DMD: variants seen among roughly 807,000 people sequenced by gnomAD.
The protein encoded by DMD is mutant dystrophin.
In DMD, 63 loss-of-function variants were observed where a neutral mutation model predicts 330.1. That is an observed-to-expected ratio of 0.19 (90% CI 0.16 to 0.24). The LOEUF (loss-of-function observed/expected upper bound fraction) is 0.24, where lower values mean the gene tolerates loss of function less well. DMD is among the 10% of genes least tolerant of loss of function. The probability of loss-of-function intolerance (pLI) is 1.00; values close to 1 mark genes in which losing one functional copy is unlikely to be tolerated. For missense variants in DMD, 3,344 were observed against 2,684.1 expected, an observed-to-expected ratio of 1.25 and a Z score of -5.43; for synonymous variants, 1,223 against 959.8, an observed-to-expected ratio of 1.27 and a Z score of -5.07.
At chrX:32,733,484 C>T (rs1265398747) in intron 7 of DMD, among the ~76,000 whole-genome samples, 1 of 110,967 alleles carries the variant, frequency 9.0e-6, no homozygotes, top group Non-Finnish European at 1.9e-5. Context: ...CACACCACAC[C>T]TATTCCACAA....
intron 59 of DMD, among the ~76,000 whole-genome samples, chrX:31,451,885 T>A (rs1198217152): frequency 9.0e-6 from 1 of 111,234 alleles, no homozygotes; most frequent in Non-Finnish European, 1.9e-5. Context: ...ACAGTTTTTA[T>A]TGTGATAGCC....
intron 2 of DMD, among the ~76,000 whole-genome samples, chrX:32,902,891 TCA>T (rs768995742): frequency 1.9e-4 from 21 of 109,886 alleles, no homozygotes; most frequent in African/African-American, 5.7e-4. Flanking sequence ...GTGCGGTGGT[TCA>T]CACCTGTAAT....
In DMD at chrX:33,036,809, G is replaced by GTATATATATA. The variant is rs150933084; in HGVS notation, c.32-16619_32-16610dup. Among the ~76,000 whole-genome samples, 284 of 105,857 alleles carry GTATATATATA rather than the reference G, an allele frequency of 2.7e-3. 1 individual carries two copies. Among genetic ancestry groups the GTATATATATA allele is most frequent in the African/African-American group, 9.2e-3 (270 of 29,327 alleles). The allele number at this position is 105,857 out of a possible 115,157, so 91.9% of individuals were successfully genotyped here. The stretch of plus-strand genomic sequence containing the variant: ...TATCTAAACATGAATGCATGTGTGT[G>GTATATATATA]TATATATATATATACATACATATAC... On this transcript the variant is annotated intron_variant, in intron 1 of 78. Coordinates refer to ENST00000357033, the MANE Select transcript of DMD (RefSeq NM_004006.3).
chrX:31,494,295 A>T, intron 57 of DMD, among the ~76,000 whole-genome samples: 1 of 111,510 alleles, frequency 9.0e-6, no homozygotes, highest in Non-Finnish European at 1.9e-5. Context: ...GTCTCGGAAT[A>T]TTTAGCTAGA....
intron 2 of DMD, among the ~76,000 whole-genome samples, chrX:32,931,176 T>A (rs1374530581): frequency 9.1e-6 from 1 of 110,127 alleles, no homozygotes; most frequent in Non-Finnish European, 1.9e-5. Flanking sequence ...GGAAATTGTA[T>A]GTATTGCCTA....
chrX:32,124,787 T>G (rs2146823842), intron 44 of DMD, among the ~76,000 whole-genome samples: 1 of 109,943 alleles, frequency 9.1e-6, no homozygotes, highest in East Asian at 2.9e-4. Context: ...TTAATTCAAT[T>G]TGTGGAGGGG....
At chrX:31,707,069 T>C (rs754113572) in intron 52 of DMD, among the ~76,000 whole-genome samples, 1 of 111,182 alleles carries the variant, frequency 9.0e-6, no homozygotes, top group African/African-American at 3.3e-5. Flanking sequence ...TGTTTTTTTT[T>C]AAATCTTTTT....
At chrX:31,944,228 CTATTA>C (rs199827378) in intron 45 of DMD, among the ~76,000 whole-genome samples, 17,939 of 110,155 alleles carry the variant, frequency 0.16, 1,484 homozygotes, top group African/African-American at 0.32. Context: ...CTCTCTCATT[CTATTA>C]TGAGTTTTTC....
chrX:31,226,120 T>C (rs1195163287), intron 63 of DMD, among the ~76,000 whole-genome samples: 1 of 111,998 alleles, frequency 8.9e-6, no homozygotes, highest in Non-Finnish European at 1.9e-5. Flanking sequence ...TTGGAGCTTA[T>C]GAGAAATGCA....
At chrX:33,117,172 T>A (rs935317247) in intron 1 of DMD, among the ~76,000 whole-genome samples, 7 of 111,144 alleles carry the variant, frequency 6.3e-5, no homozygotes, top group African/African-American at 2.3e-4. Flanking sequence ...GAAGTTAAGC[T>A]CATCAAAGCA....
intron 60 of DMD, among the ~76,000 whole-genome samples, chrX:31,438,366 T>C (rs1225476151): frequency 1.8e-5 from 2 of 111,820 alleles, no homozygotes; most frequent in Non-Finnish European, 3.8e-5. Flanking sequence ...TTAGCCTCAC[T>C]TGAAAGTTTG....
At chrX:32,916,644 T>C (rs1490466320) in intron 2 of DMD, among the ~76,000 whole-genome samples, 1 of 111,675 alleles carries the variant, frequency 9.0e-6, no homozygotes, top group Non-Finnish European at 1.9e-5. Context: ...GATATTAGTG[T>C]TGATATCTAT....
chrX:31,567,959 T>C (rs969642117), intron 55 of DMD, among the ~76,000 whole-genome samples: 1 of 111,487 alleles, frequency 9.0e-6, no homozygotes, highest in African/African-American at 3.2e-5. Flanking sequence ...ATCTCACTCA[T>C]GTTGATGTTT....
intron 1 of DMD, among the ~76,000 whole-genome samples, chrX:33,289,376 T>C (rs913856736): frequency 4.5e-5 from 5 of 111,640 alleles, no homozygotes; most frequent in Non-Finnish European, 7.5e-5. Flanking sequence ...AACAAAATAT[T>C]TTTGGAGGTG....
chrX:33,003,292 C>A (rs1602553936), intron 2 of DMD, among the ~76,000 whole-genome samples: 1 of 111,686 alleles, frequency 9.0e-6, no homozygotes. Flanking sequence ...TAATGGCCTC[C>A]AGTTCTATCC....
intron 5 of DMD, among the ~76,000 whole-genome samples, chrX:32,822,468 A>G (rs762516292): frequency 5.4e-5 from 6 of 110,284 alleles, no homozygotes; most frequent in Non-Finnish European, 9.5e-5. Context: ...ATATAAGTTC[A>G]TGTATGATTA....
intron 44 of DMD, among the ~76,000 whole-genome samples, chrX:32,169,062 A>G (rs2096878272): frequency 9.0e-6 from 1 of 111,707 alleles, no homozygotes; most frequent in Non-Finnish European, 1.9e-5. Flanking sequence ...TTCAGGTAGG[A>G]ATCCTGCAGG....
rs1003318399 is a variant in DMD, at chrX:32,465,130, G to A, written c.3163-431C>T. Among the ~76,000 whole-genome samples the A allele has an allele frequency of 4.5e-5, 5 of 111,896 alleles. No individual in the cohort carries two copies. In the Admixed American group the frequency reaches 4.7e-4, roughly 11 times the overall value. On this transcript the variant is annotated intron_variant, in intron 23 of 78. Coordinates refer to ENST00000357033, the MANE Select transcript of DMD (RefSeq NM_004006.3). Reference sequence around the variant, plus strand: ...CTTTCACAAATTATTTTCTACAGATGACAGTTTAAATAGTCCTTCCAGTTG... The same window carrying A: ...CTTTCACAAATTATTTTCTACAGATAACAGTTTAAATAGTCCTTCCAGTTG...
At position 32,585,699 on chromosome X, in the gene DMD, CAAAAAAAAAAAAAAA is replaced by C. The variant is rs61394183; in HGVS notation, c.1602+10043_1602+10057del. On this transcript the variant is annotated intron_variant, in intron 13 of 78. Coordinates refer to ENST00000357033, the MANE Select transcript of DMD (RefSeq NM_004006.3). Reference sequence around the variant, plus strand: ...TGGGTGACAGAGCAGGACTCCGTCTCAAAAAAAAAAAAAAAAAAAAAAAAAAAAAAAGAATATTAT... The same window carrying C: ...TGGGTGACAGAGCAGGACTCCGTCTCAAAAAAAAAAAAAAAAGAATATTAT... 3.1e-4 allele frequency among the ~76,000 whole-genome samples: 10 copies of C among 31,931 alleles called. 1 individual carries two copies. The highest frequency in any genetic ancestry group is 5.5e-3 in the South Asian group (1 of 181). 27.7% of individuals were successfully genotyped at this position (31,931 alleles called of 115,157 possible). A position where few individuals can be genotyped will look rare whatever the true frequency, so the allele number is the denominator to read the frequency against.
Sources: gnomAD v4.1 joint callset for allele counts (sites outside exome capture counted in the v4.1 genomes callset) on GRCh38, gnomAD v4.1.1 for gene constraint, MANE v1.5 for transcripts, NCBI Gene and HGNC (gene_info 2026-07-23, HGNC 2026-07-21) for gene names.